Variants in SPOCK1 observed in about 807,000 individuals in gnomAD.
SPOCK1 encodes the protein testican-1.
In SPOCK1, 23 loss-of-function variants were observed where a neutral mutation model predicts 55.3. The observed-to-expected ratio is 0.42, with a 90% CI of 0.30 to 0.59. The LOEUF is 0.59. Among genes scored for constraint, SPOCK1 ranks in the 20% least tolerant of loss-of-function variants. SPOCK1 has a pLI of 0.22. For synonymous variants in SPOCK1, 226 were observed against 221.0 expected (o/e 1.02, Z -0.20); for missense variants, 499 against 552.5 (o/e 0.90, Z 0.97).
At chr5:136,991,881 C>T (rs146283446) in intron 7 of SPOCK1, among the ~76,000 whole-genome samples, 2 of 152,300 alleles carry the variant, frequency 1.3e-5, no homozygotes, top group African/African-American at 4.8e-5. Flanking sequence ...TGGCGGGAGG[C>T]TCCTTGAGCA....
intron 7 of SPOCK1, 92 bp downstream of exon 7, chr5:136,992,392 T>G (rs897678719): frequency 1.1e-6 from 1 of 948,226 alleles, no homozygotes; most frequent in Non-Finnish European, 1.6e-6. Context: ...ATATATTTAA[T>G]GTAATGGGTG....
chr5:137,015,893 G>A (rs772885619), intron 6 of SPOCK1, among the ~76,000 whole-genome samples: 3 of 152,156 alleles, frequency 2.0e-5, no homozygotes, highest in African/African-American at 7.2e-5. Context: ...ACCTAAGCAC[G>A]TGACAATGAG....
At chr5:137,162,540 A>T (rs1754579938) in intron 3 of SPOCK1, among the ~76,000 whole-genome samples, 1 of 152,116 alleles carries the variant, frequency 6.6e-6, no homozygotes, top group Non-Finnish European at 1.5e-5. Context: ...ACCTCTAAAA[A>T]CATTTTTGCT....
Position 137,463,530 on chromosome 5 carries a change from G to A in SPOCK1, c.186+34843C>T, listed in dbSNP as rs566850567. Among the ~76,000 whole-genome samples the A allele has an allele frequency of 8.6e-5, 13 of 151,748 alleles. 1 individual carries two copies. The South Asian group carries it at 2.7e-3, about 32-fold the overall frequency. ...GCCAGAGGCTGGCAAGGGTAGTGGG[G>A]GGGTGTTGGGAGGAGGGAGGTGGGG... On this transcript the variant is annotated intron_variant, in intron 2 of 10. Transcript: ENST00000394945.
intron 3 of SPOCK1, among the ~76,000 whole-genome samples, chr5:137,218,047 A>C (rs1755754694): frequency 6.6e-6 from 1 of 152,204 alleles, no homozygotes; most frequent in Non-Finnish European, 1.5e-5. Context: ...TCCTCCCCTA[A>C]GGCAGACATG....
At chr5:137,059,138 A>AACCTCTGGGGTGGTTCCTCTGTGGAGAT (rs1561594035) in intron 6 of SPOCK1, among the ~76,000 whole-genome samples, 4 of 105,370 alleles carry the variant, frequency 3.8e-5, no homozygotes, top group Admixed American at 1.0e-4. Context: ...GGATGTCTTA[A>AACCTCTGGGGTGGTTCCTCTGTGGAGAT]AGTTTGATTT....
intron 2 of SPOCK1, among the ~76,000 whole-genome samples, chr5:137,286,406 T>G (rs987286944): frequency 8.5e-5 from 13 of 152,166 alleles, no homozygotes; most frequent in Non-Finnish European, 1.8e-4. Flanking sequence ...CATGGATGGT[T>G]GTATAGGTCA....
chr5:137,331,341 C>G (rs1758176412), intron 2 of SPOCK1, among the ~76,000 whole-genome samples: 1 of 152,152 alleles, frequency 6.6e-6, no homozygotes, highest in African/African-American at 2.4e-5. Context: ...GGAAGACTTG[C>G]CAAAGTGTGG....
chr5:137,160,225 C>G (rs745508327), intron 3 of SPOCK1, among the ~76,000 whole-genome samples: 2 of 150,118 alleles, frequency 1.3e-5, no homozygotes, highest in African/African-American at 4.9e-5. Context: ...GTTTTCCATT[C>G]CTGAGTACTT....
intron 6 of SPOCK1, among the ~76,000 whole-genome samples, chr5:137,027,129 G>A (rs1243577491): frequency 6.6e-6 from 1 of 152,164 alleles, no homozygotes; most frequent in East Asian, 1.9e-4. Context: ...ATCACCTAAA[G>A]GACCAGGTGA....
chr5:137,284,334 G>C (rs1389462541), intron 2 of SPOCK1, among the ~76,000 whole-genome samples: 1 of 152,198 alleles, frequency 6.6e-6, no homozygotes, highest in East Asian at 1.9e-4. Flanking sequence ...CAGGGACTCA[G>C]AACAGGTATT....
At chr5:137,454,613 G>A (rs570015131) in intron 2 of SPOCK1, among the ~76,000 whole-genome samples, 40 of 152,196 alleles carry the variant, frequency 2.6e-4, no homozygotes, top group Non-Finnish European at 4.6e-4. Flanking sequence ...TTTGAGAGAG[G>A]CTCACAGTGA....
chr5:137,114,309 T>G (rs1482736324), intron 4 of SPOCK1, among the ~76,000 whole-genome samples: 1 of 152,198 alleles, frequency 6.6e-6, no homozygotes, highest in Non-Finnish European at 1.5e-5. Context: ...AGCTGATCAG[T>G]AACTAGATTT....
rs530218289 is a variant in SPOCK1 at position 137,377,070 on chromosome 5, A to T, written c.187-110015T>A. On this transcript the variant is annotated intron_variant, in intron 2 of 10. Coordinates refer to ENST00000394945, the MANE Select transcript of SPOCK1 (RefSeq NM_004598.4). ...AAACATTATTATTTGTGGGTTTCCA[A>T]ATGTGAGGGAGGAACCGACGGGCAG... is the stretch of plus-strand genomic sequence containing the variant. 7.2e-4 allele frequency among the ~76,000 whole-genome samples: 109 copies of T among 152,316 alleles called. 1 individual carries two copies. Among genetic ancestry groups the T allele is most frequent in the Non-Finnish European group, 1.2e-3 (80 of 68,040 alleles).
In SPOCK1 at chr5:136,978,822, C is replaced by T. The variant is rs139421454; in HGVS notation, c.1152G>A (p.Gly384=). ...VSCEEEQETS[G]DFGSGGSVVL... ...CCACGGACCCACCACTGCCAAAATC[C>T]CCTGAGGTTTCCTGCTCCTCTTCTG... Residue 384 remains glycine (G), a synonymous_variant, in exon 11 of 11, where the codon GGG becomes GGA. Transcript: ENST00000394945. The T allele has an allele frequency of 1.8e-4, 285 of 1,611,846 alleles. 1 individual carries two copies. The African/African-American group carries it at 3.4e-3, about 19-fold the overall frequency.
chr5:137,373,549 C>T (rs1751247057), intron 2 of SPOCK1, among the ~76,000 whole-genome samples: 3 of 152,218 alleles, frequency 2.0e-5, no homozygotes. Context: ...AGTCCATCGC[C>T]AAGTCCTCTG....
intron 2 of SPOCK1, among the ~76,000 whole-genome samples, chr5:137,447,997 C>T (rs1753166191): frequency 6.6e-6 from 1 of 152,198 alleles, no homozygotes; most frequent in African/African-American, 2.4e-5. Context: ...CCTGTAATCC[C>T]AGCACTTTGG....
chr5:137,493,796 T>C (rs373885906), intron 2 of SPOCK1, among the ~76,000 whole-genome samples: 1 of 152,184 alleles, frequency 6.6e-6, no homozygotes, highest in Non-Finnish European at 1.5e-5. Flanking sequence ...CACTAAGCCA[T>C]ACCACCTCTT....
At chr5:137,462,120 T>A (rs1252195957) in intron 2 of SPOCK1, among the ~76,000 whole-genome samples, 1 of 152,240 alleles carries the variant, frequency 6.6e-6, no homozygotes, top group Admixed American at 6.5e-5. Context: ...GGGAAGGTCC[T>A]GATGGCCCCC....
Sources: allele counts gnomAD v4.1 joint callset (sites outside exome capture counted in the v4.1 genomes callset), GRCh38; gene constraint gnomAD v4.1.1; transcripts MANE v1.5; gene names NCBI Gene and HGNC (gene_info 2026-07-23, HGNC 2026-07-21).